Variants in EYS observed in about 807,000 individuals in gnomAD.
The protein encoded by EYS is EGF-like photoreceptor maintenance factor.
EYS carries 250 observed loss-of-function variants against 282.1 expected under a neutral mutation model. The ratio of observed to expected loss-of-function variants is 0.89; its 90% confidence interval spans 0.80 to 0.98. The LOEUF is 0.98. EYS is among the 50% of genes least tolerant of loss of function. The probability of loss-of-function intolerance (pLI) is 0.00; values close to 1 mark genes in which losing one functional copy is unlikely to be tolerated. For synonymous variants in EYS, 1,355 were observed against 1,282.9 expected (o/e 1.06, Z -1.20); for missense variants, 4,016 against 3,709.0 (o/e 1.08, Z -2.15).
chr6:65,681,258 A>G (rs1334504870), intron 1 of EYS, among the ~76,000 whole-genome samples: 1 of 152,012 alleles, frequency 6.6e-6, no homozygotes, highest in East Asian at 1.9e-4. Context: ...GCCTTGGTCT[A>G]TCTGGCAACC....
At chr6:65,616,514 G>A (rs1273488448) in intron 2 of EYS, among the ~76,000 whole-genome samples, 2 of 152,092 alleles carry the variant, frequency 1.3e-5, no homozygotes, top group East Asian at 1.9e-4. Flanking sequence ...TAGGCCGGGC[G>A]CAGTGGATCA....
intron 41 of EYS, among the ~76,000 whole-genome samples, chr6:63,759,491 G>A (rs1181837022): frequency 6.6e-6 from 1 of 152,022 alleles, no homozygotes; most frequent in Non-Finnish European, 1.5e-5. Flanking sequence ...AATTTAGCAG[G>A]TTGTACTGAA....
chr6:63,863,135 C>A (rs1772576334), intron 36 of EYS, among the ~76,000 whole-genome samples: 1 of 152,122 alleles, frequency 6.6e-6, no homozygotes, highest in Non-Finnish European at 1.5e-5. Context: ...AATTTGGTGC[C>A]AAATATCACA....
chr6:65,706,331 T>G (rs1265190756), intron 1 of EYS, among the ~76,000 whole-genome samples: 1 of 151,976 alleles, frequency 6.6e-6, no homozygotes, highest in African/African-American at 2.4e-5. Flanking sequence ...TACAAATAGT[T>G]CAACATACCT....
At chr6:64,732,228 G>A (rs926194177) in intron 22 of EYS, among the ~76,000 whole-genome samples, 1 of 138,004 alleles carries the variant, frequency 7.2e-6, no homozygotes, top group African/African-American at 2.5e-5. Context: ...GTTGCTGGGT[G>A]CAGCAAACCA....
chr6:64,771,062 C>T (rs562585580), intron 22 of EYS, among the ~76,000 whole-genome samples: 1 of 151,876 alleles, frequency 6.6e-6, no homozygotes, highest in African/African-American at 2.4e-5. Context: ...CTGAAACTTG[C>T]TATTCCTTTG....
chr6:64,148,048 A>C (rs565281634), intron 31 of EYS, among the ~76,000 whole-genome samples: 1 of 152,232 alleles, frequency 6.6e-6, no homozygotes, highest in Non-Finnish European at 1.5e-5. Flanking sequence ...TTTAGGTTTA[A>C]AATGTTGTTT....
intron 22 of EYS, among the ~76,000 whole-genome samples, chr6:64,637,543 T>C (rs12194746): frequency 0.49 from 42,327 of 85,880 alleles, 18,536 homozygotes; most frequent in Middle Eastern, 0.79. Context: ...TGTATACATA[T>C]GTAACTAACC....
chr6:64,218,083 A>G (rs976815996), intron 31 of EYS, among the ~76,000 whole-genome samples: 1 of 152,154 alleles, frequency 6.6e-6, no homozygotes, highest in Admixed American at 6.6e-5. Flanking sequence ...ACTCTATCTA[A>G]GCCTCTGCAT....
At chr6:64,947,400 G>A (rs1244853221) in intron 14 of EYS, among the ~76,000 whole-genome samples, 4 of 151,792 alleles carry the variant, frequency 2.6e-5, no homozygotes, top group Admixed American at 2.6e-4. Context: ...TGGTTGAACA[G>A]GGCCAATTGG....
chr6:63,829,774 T>C (rs1368323672), intron 36 of EYS, among the ~76,000 whole-genome samples: 1 of 152,168 alleles, frequency 6.6e-6, no homozygotes, highest in East Asian at 1.9e-4. Context: ...CTCAAGTGGG[T>C]CACTGACCCC....
chr6:65,700,881 G>T (rs1474453970), intron 1 of EYS, among the ~76,000 whole-genome samples: 1 of 152,136 alleles, frequency 6.6e-6, no homozygotes, highest in Non-Finnish European at 1.5e-5. Flanking sequence ...TAAGGGTTTT[G>T]TAAATCCCAT....
In EYS at chr6:64,593,110, T is replaced by C; in HGVS notation, c.3877+7A>G. 4.0e-6 allele frequency: 6 copies of C among 1,505,596 alleles called. No homozygotes were observed. The highest frequency in any genetic ancestry group is 5.2e-5 in the East Asian group (2 of 38,578). 93.3% of individuals were successfully genotyped at this position (1,505,596 alleles called of 1,614,324 possible). On this transcript the variant is annotated splice_region_variant and intron_variant, in intron 25 of 42. Coordinates refer to ENST00000503581, the MANE Select transcript of EYS (RefSeq NM_001142800.2). ...AACTTCTTAATATCTTACCCACTTC[T>C]ACTTACCTTGATCAACTGGGTAAGT... is the stretch of plus-strand genomic sequence containing the variant.
chr6:64,175,375 G>A (rs1489514391), intron 31 of EYS, among the ~76,000 whole-genome samples: 1 of 152,134 alleles, frequency 6.6e-6, no homozygotes, highest in Non-Finnish European at 1.5e-5. Flanking sequence ...GAGCAGAAGT[G>A]AGGGAAGATA....
intron 1 of EYS, among the ~76,000 whole-genome samples, chr6:65,652,966 T>C (rs1398771515): frequency 1.3e-5 from 2 of 151,838 alleles, no homozygotes; most frequent in East Asian, 3.9e-4. Flanking sequence ...CAGTAGGAAG[T>C]CACTACCAAT....
intron 5 of EYS, among the ~76,000 whole-genome samples, chr6:65,453,167 C>A (rs1190302634): frequency 6.6e-6 from 1 of 151,940 alleles, no homozygotes. Flanking sequence ...AGTCCATATA[C>A]AAACATAGCG....
At chr6:64,029,149 A>T (rs956380840) in intron 33 of EYS, among the ~76,000 whole-genome samples, 49 of 152,198 alleles carry the variant, frequency 3.2e-4, no homozygotes, top group Non-Finnish European at 2.9e-5. Flanking sequence ...ACCTTAAGGC[A>T]GGCCCTAGTA....
chr6:63,789,707 A>C (rs1258840904), intron 37 of EYS, among the ~76,000 whole-genome samples: 2 of 152,190 alleles, frequency 1.3e-5, no homozygotes, highest in Non-Finnish European at 2.9e-5. Context: ...TCTATTACAA[A>C]AGCTCTTAAC....
rs562797835 is a variant in EYS at position 65,471,332 on chromosome 6, G to T, written c.862+19262C>A. The stretch of plus-strand genomic sequence containing the variant: ...GATTACTTAAGCCCAGGAGGTTGAG[G>T]CTGCTGTGGGTTGAGATCACATCAC... On this transcript the variant is annotated intron_variant, in intron 5 of 42. Coordinates refer to ENST00000503581, the MANE Select transcript of EYS (RefSeq NM_001142800.2). 3.3e-5 allele frequency among the ~76,000 whole-genome samples: 5 copies of T among 151,826 alleles called. No individual in the cohort carries two copies. The South Asian group carries it at 1.0e-3, about 32-fold the overall frequency.
Sources: allele counts gnomAD v4.1 joint callset (sites outside exome capture counted in the v4.1 genomes callset), GRCh38; gene constraint gnomAD v4.1.1; transcripts MANE v1.5; gene names NCBI Gene and HGNC (gene_info 2026-07-23, HGNC 2026-07-21).